Variants in GRM8 observed in about 807,000 individuals in gnomAD.
GRM8 encodes the protein metabotropic glutamate receptor 8.
A neutral mutation model predicts 87.2 loss-of-function variants in GRM8; 47 were observed. The observed-to-expected ratio is 0.54, with a 90% CI of 0.43 to 0.69. The LOEUF (loss-of-function observed/expected upper bound fraction) is 0.69, where lower values mean the gene tolerates loss of function less well. GRM8 is among the 30% of genes least tolerant of loss of function. The pLI is 0.00. For missense variants in GRM8, 1,019 were observed against 1,139.2 expected (o/e 0.89, Z 1.52); for synonymous variants, 396 against 404.5 (o/e 0.98, Z 0.25).
chr7:126,608,241 A>G (rs574854397), intron 8 of GRM8, among the ~76,000 whole-genome samples: 45 of 151,612 alleles, frequency 3.0e-4, no homozygotes, highest in African/African-American at 1.1e-3. Flanking sequence ...CTGAAGAGTG[A>G]TGGTACCTAG....
chr7:126,551,248 C>G (rs1267041203), intron 8 of GRM8, among the ~76,000 whole-genome samples: 1 of 152,094 alleles, frequency 6.6e-6, no homozygotes, highest in African/African-American at 2.4e-5. Flanking sequence ...TAAAGGCTCA[C>G]GAGAAAGGTA....
At chr7:126,944,067 G>A (rs1362735352) in intron 3 of GRM8, among the ~76,000 whole-genome samples, 1 of 152,144 alleles carries the variant, frequency 6.6e-6, no homozygotes, top group African/African-American at 2.4e-5. Flanking sequence ...GAGGTCCTTA[G>A]ATCAGTACTA....
At chr7:127,147,923 C>T (rs1339090466) in intron 2 of GRM8, among the ~76,000 whole-genome samples, 1 of 152,024 alleles carries the variant, frequency 6.6e-6, no homozygotes, top group African/African-American at 2.4e-5. Flanking sequence ...AACCTATCTA[C>T]TATTGCCCAT....
At chr7:127,221,306 A>T (rs1387950592) in intron 2 of GRM8, among the ~76,000 whole-genome samples, 1 of 152,170 alleles carries the variant, frequency 6.6e-6, no homozygotes, top group East Asian at 1.9e-4. Flanking sequence ...TTCACATGGT[A>T]CCACCGATGA....
intron 7 of GRM8, among the ~76,000 whole-genome samples, chr7:126,609,971 C>T (rs767668747): frequency 2.6e-5 from 4 of 152,134 alleles, no homozygotes; most frequent in African/African-American, 7.2e-5. Flanking sequence ...TAGAGAGCAC[C>T]GTTCCTGTGC....
intron 8 of GRM8, among the ~76,000 whole-genome samples, chr7:126,550,372 A>G (rs1792458223): frequency 1.3e-5 from 2 of 152,110 alleles, no homozygotes; most frequent in Non-Finnish European, 2.9e-5. Flanking sequence ...TCAGCCTCCC[A>G]AAGTGCTGGG....
intron 3 of GRM8, among the ~76,000 whole-genome samples, chr7:126,951,399 C>G (rs1238205701): frequency 6.6e-6 from 1 of 152,062 alleles, no homozygotes; most frequent in Non-Finnish European, 1.5e-5. Flanking sequence ...CTTAGAACCA[C>G]AGTTATGATT....
intron 9 of GRM8, among the ~76,000 whole-genome samples, chr7:126,458,889 G>A (rs757227385): frequency 2.6e-5 from 4 of 151,112 alleles, no homozygotes; most frequent in Non-Finnish European, 5.9e-5. Flanking sequence ...AAAACAGTAT[G>A]TATGAAAACT....
intron 9 of GRM8, among the ~76,000 whole-genome samples, chr7:126,506,642 G>C (rs1810512490): frequency 6.6e-6 from 1 of 151,890 alleles, no homozygotes; most frequent in Admixed American, 6.6e-5. Flanking sequence ...AGCCAGGCAT[G>C]GTGGTGCGCA....
intron 6 of GRM8, chr7:126,869,647 C>A (rs960989627): frequency 6.6e-6 from 1 of 152,134 alleles, no homozygotes; most frequent in African/African-American, 2.4e-5. Context: ...AATGAGCAGT[C>A]ATACTTTGAA....
chr7:126,885,957 G>A (rs1800453723), intron 6 of GRM8, among the ~76,000 whole-genome samples: 1 of 152,082 alleles, frequency 6.6e-6, no homozygotes, highest in South Asian at 2.1e-4. Flanking sequence ...GTGGCACTTG[G>A]CACAGTATAA....
At chr7:127,113,175 T>C (rs1024755545) in intron 2 of GRM8, among the ~76,000 whole-genome samples, 1 of 152,198 alleles carries the variant, frequency 6.6e-6, no homozygotes, top group East Asian at 1.9e-4. Context: ...TTCCCACTGC[T>C]TGCACATCAA....
chr7:126,626,609 A>G (rs931942462), intron 7 of GRM8, among the ~76,000 whole-genome samples: 2 of 152,180 alleles, frequency 1.3e-5, no homozygotes, highest in Admixed American at 6.5e-5. Flanking sequence ...CACAATACCA[A>G]TGGTCAATAT....
intron 8 of GRM8, among the ~76,000 whole-genome samples, chr7:126,558,377 A>G (rs1412169084): frequency 6.6e-6 from 1 of 152,200 alleles, no homozygotes; most frequent in Non-Finnish European, 1.5e-5. Flanking sequence ...CCATGTGTAT[A>G]TACATGTATA....
intron 6 of GRM8, among the ~76,000 whole-genome samples, chr7:126,776,688 C>G (rs557501021): frequency 6.6e-6 from 1 of 152,164 alleles, no homozygotes. Flanking sequence ...GTAAAACCAA[C>G]GGCCTGAGAA....
At chr7:127,085,856 GT>G (rs1268759770) in intron 3 of GRM8, among the ~76,000 whole-genome samples, 4 of 152,180 alleles carry the variant, frequency 2.6e-5, no homozygotes, top group African/African-American at 9.7e-5. Flanking sequence ...TGCTTTTGGT[GT>G]TTTAGTCATG....
chr7:127,202,445 T>C (rs533238343), intron 2 of GRM8, among the ~76,000 whole-genome samples: 1 of 152,208 alleles, frequency 6.6e-6, no homozygotes, highest in Non-Finnish European at 1.5e-5. Context: ...CCCAAAATGC[T>C]GGGATTACAG....
At chr7:126,738,412 C>T (rs535724092) in intron 7 of GRM8, among the ~76,000 whole-genome samples, 4 of 152,022 alleles carry the variant, frequency 2.6e-5, no homozygotes, top group South Asian at 2.1e-4. Flanking sequence ...ATTTCATTAC[C>T]GGTGAAATAC....
chr7:126,456,452 C>T (rs111824247), intron 9 of GRM8, among the ~76,000 whole-genome samples: 2,975 of 135,984 alleles, frequency 0.022, 103 homozygotes, highest in African/African-American at 0.079. Flanking sequence ...AGAAGTAAAC[C>T]GGGTATTTTA....
Sources: gnomAD v4.1 joint callset for allele counts (sites outside exome capture counted in the v4.1 genomes callset) on GRCh38, gnomAD v4.1.1 for gene constraint, MANE v1.5 for transcripts, NCBI Gene and HGNC (gene_info 2026-07-23, HGNC 2026-07-21) for gene names.